The following IRAG1 variants were observed in gnomAD, a reference collection of about 807,000 sequenced individuals.
IRAG1 encodes IP3R-associated cGMP kinase substrate.
A neutral mutation model predicts 106.2 loss-of-function variants in IRAG1; 62 were observed. That is an observed-to-expected ratio of 0.58 (90% CI 0.48 to 0.72). The LOEUF (loss-of-function observed/expected upper bound fraction) is 0.72. Among genes scored for constraint, IRAG1 ranks in the 30% least tolerant of loss-of-function variants. IRAG1 has a pLI of 0.00. For missense variants in IRAG1, 1,064 were observed against 1,140.7 expected (o/e 0.93, Z 0.97); for synonymous variants, 462 against 443.9 (o/e 1.04, Z -0.51).
intron 15 of IRAG1, among the ~76,000 whole-genome samples, chr11:10,598,717 A>G (rs1429498564): frequency 6.6e-6 from 1 of 152,256 alleles, no homozygotes; most frequent in African/African-American, 2.4e-5. Context: ...ATTTGCTTTA[A>G]GAGCCTTAAA....
At chr11:10,619,449 T>G (rs559890173) in intron 10 of IRAG1, among the ~76,000 whole-genome samples, 320 of 152,310 alleles carry the variant, frequency 2.1e-3, no homozygotes, top group African/African-American at 7.4e-3. Context: ...AAGCCTTTTA[T>G]CCTGGGTATG....
chr11:10,630,010 G>A (rs143940319), intron 4 of IRAG1: 22 of 342,450 alleles, frequency 6.4e-5, no homozygotes, highest in Non-Finnish European at 8.6e-5. Context: ...CCTTACCTCC[G>A]GCACCATCTG....
chr11:10,600,387 C>G (rs867660494), intron 15 of IRAG1, among the ~76,000 whole-genome samples: 2 of 152,216 alleles, frequency 1.3e-5, no homozygotes, highest in Admixed American at 6.5e-5. Flanking sequence ...TGGACTGTTG[C>G]AAGAACATCT....
intron 1 of IRAG1, among the ~76,000 whole-genome samples, chr11:10,677,288 C>T (rs1405230107): frequency 6.6e-6 from 1 of 152,238 alleles, no homozygotes; most frequent in African/African-American, 2.4e-5. Flanking sequence ...TGGATGGCCC[C>T]AGACTGAGTC....
At chr11:10,600,690 T>C (rs1052628611) in intron 15 of IRAG1, among the ~76,000 whole-genome samples, 1 of 152,222 alleles carries the variant, frequency 6.6e-6, no homozygotes, top group African/African-American at 2.4e-5. Context: ...GATTTATTGC[T>C]TTGGGAGTTA....
intron 1 of IRAG1, chr11:10,687,926 C>T (rs983349193): frequency 1.3e-5 from 7 of 548,466 alleles, no homozygotes; most frequent in East Asian, 1.8e-4. Context: ...CATTACAGGT[C>T]GAGCATTCCA....
intron 7 of IRAG1, 48 bp downstream of exon 7, chr11:10,627,925 G>C: frequency 6.3e-7 from 1 of 1,582,980 alleles, no homozygotes; most frequent in Non-Finnish European, 8.6e-7. Context: ...GGTAAGGGGA[G>C]AGACCCATTG....
chr11:10,687,752 G>A (rs1861766133), intron 1 of IRAG1: 2 of 1,289,100 alleles, frequency 1.6e-6, no homozygotes, highest in Non-Finnish European at 2.0e-6. Flanking sequence ...CTCAAACCCA[G>A]TGCAGAAGTC....
At chr11:10,646,058 A>G (rs1303459457) in intron 2 of IRAG1, among the ~76,000 whole-genome samples, 2 of 152,326 alleles carry the variant, frequency 1.3e-5, no homozygotes, top group South Asian at 2.1e-4. Context: ...GTGAAGCCCA[A>G]GTTCTTCCTG....
At chr11:10,645,184 C>T (rs1383554459) in intron 2 of IRAG1, among the ~76,000 whole-genome samples, 3 of 152,136 alleles carry the variant, frequency 2.0e-5, no homozygotes, top group Non-Finnish European at 2.9e-5. Flanking sequence ...TTCAATTCCT[C>T]GATTCCATAT....
intron 1 of IRAG1, chr11:10,687,483 A>T: frequency 3.5e-6 from 1 of 288,844 alleles, no homozygotes; most frequent in Non-Finnish European, 6.2e-6. Context: ...AAATCTGCTC[A>T]ATGCAATATT....
chr11:10,693,296 C>A (rs964150747), intron 1 of IRAG1, among the ~76,000 whole-genome samples: 2 of 152,172 alleles, frequency 1.3e-5, no homozygotes, highest in Non-Finnish European at 2.9e-5. Context: ...CACTTTCCAA[C>A]GGCAAGCAAA....
At position 10,601,026 on chromosome 11, in the gene IRAG1, T is replaced by C; in HGVS notation, c.1909A>G (p.Met637Val). Reference protein sequence around the residue: ...KRMSKATEVMMQYVENLKRTY... With the variant: ...KRMSKATEVMVQYVENLKRTY... ...CTCTTTAGATTCTCCACATACTGCA[T>C]CATCACTTCCGTTGCTTTCGACATG... The change falls in exon 15 of 21, where the codon ATG becomes GTG. Residue 637 changes from methionine (M) to valine (V), a missense_variant. Transcript: ENST00000423302. 2.5e-6 allele frequency: 4 copies of C among 1,614,066 alleles called. No homozygotes were observed. Among genetic ancestry groups the C allele is most frequent in the South Asian group, 1.1e-5 (1 of 91,090 alleles).
rs753874354 is a variant in IRAG1 at position 10,629,626 on chromosome 11, C to T, written c.486G>A (p.Ala162=). ...TCACCAACTTGGCTTCTTCCAGCAG[C>T]GCCAGGTTTTTCTTCTTGTCCTCCT... ...ISEEDKKKNL[A]LLEEAKLVSE... Residue 162 remains alanine, a synonymous_variant, in exon 5 of 21, where the codon GCG becomes GCA. Transcript: ENST00000423302. 16 of 1,613,876 alleles carry T rather than the reference C, an allele frequency of 9.9e-6. No homozygotes were observed. The highest frequency in any genetic ancestry group is 1.6e-4 in the Middle Eastern group (1 of 6,080).
At chr11:10,580,274 T>G (rs867189277) in intron 20 of IRAG1, among the ~76,000 whole-genome samples, 181 bp downstream of exon 20, 1 of 152,216 alleles carries the variant, frequency 6.6e-6, no homozygotes, top group Middle Eastern at 3.2e-3. Flanking sequence ...TCTTGGCTCT[T>G]TGGGATTTCC....
At chr11:10,679,058 G>A (rs1035142109) in intron 1 of IRAG1, among the ~76,000 whole-genome samples, 7 of 152,198 alleles carry the variant, frequency 4.6e-5, no homozygotes, top group African/African-American at 1.7e-4. Flanking sequence ...GAGTAGAAAA[G>A]AGGCACAATG....
intron 18 of IRAG1, 95 bp downstream of exon 18, chr11:10,591,453 C>T: frequency 8.8e-7 from 1 of 1,134,760 alleles, no homozygotes. Context: ...TTGCTTTCCA[C>T]TGCATTTTGG....
intron 14 of IRAG1, 88 bp from the exon 15 acceptor site, chr11:10,601,147 G>A: frequency 6.5e-7 from 1 of 1,538,132 alleles, no homozygotes; most frequent in Non-Finnish European, 8.8e-7. Flanking sequence ...GTCTGGGCTA[G>A]GAGAATCAAA....
intron 15 of IRAG1, among the ~76,000 whole-genome samples, chr11:10,596,717 G>C (rs189520049): frequency 8.0e-4 from 121 of 152,052 alleles, no homozygotes; most frequent in East Asian, 4.3e-3. Flanking sequence ...CTATACATTG[G>C]GTAACTTCCT....
Sources: allele counts gnomAD v4.1 joint callset (sites outside exome capture counted in the v4.1 genomes callset), GRCh38; gene constraint gnomAD v4.1.1; transcripts MANE v1.5; gene names NCBI Gene and HGNC (gene_info 2026-07-23, HGNC 2026-07-21).